LCOR: variants seen among roughly 807,000 people sequenced by gnomAD.
The protein encoded by LCOR is ligand-dependent corepressor.
Under a neutral mutation model 64.4 loss-of-function variants are expected in LCOR, and 14 were observed. The observed-to-expected ratio is 0.22, with a 90% CI of 0.14 to 0.34. The LOEUF is 0.34. Ranked by LOEUF, LCOR falls within the 10% of genes least tolerant of loss-of-function variation. The pLI is 1.00. For synonymous variants in LCOR, 643 were observed against 642.5 expected (o/e 1.00, Z -0.01); for missense variants, 1,686 against 1,765.3 (o/e 0.96, Z 0.80).
chr10:96,952,471 A>G (rs1287141017), intron 7 of LCOR, among the ~76,000 whole-genome samples: 1 of 152,180 alleles, frequency 6.6e-6, no homozygotes, highest in Admixed American at 6.5e-5. Flanking sequence ...GTGATACTCA[A>G]ATAATTCTAA....
At chr10:96,923,490 C>G (rs571725261) in intron 4 of LCOR, among the ~76,000 whole-genome samples, 5 of 152,298 alleles carry the variant, frequency 3.3e-5, no homozygotes, top group African/African-American at 1.2e-4. Context: ...TCCTCTGTTT[C>G]CTCTCTTGAG....
rs181955731 is a variant in LCOR at position 96,975,804 on chromosome 10, C to G, written c.333-4989C>G. On this transcript the variant is annotated intron_variant, in intron 7 of 7. Coordinates refer to ENST00000421806, the MANE Select transcript of LCOR (RefSeq NM_001346516.2). ...CTGAGGCAGGTGGATCACCTGAGGTCAGGAGTTCGAGACCAGCCTGACCAA... is the reference window on the plus strand; with the variant it reads ...CTGAGGCAGGTGGATCACCTGAGGTGAGGAGTTCGAGACCAGCCTGACCAA... Among the ~76,000 whole-genome samples, 756 of 152,146 alleles carry G rather than the reference C, an allele frequency of 5.0e-3. 12 individuals are homozygous for G. Among genetic ancestry groups the G allele is most frequent in the African/African-American group, 0.017 (721 of 41,510 alleles).
chr10:96,857,833 A>G (rs950888277), intron 2 of LCOR, among the ~76,000 whole-genome samples: 2 of 152,184 alleles, frequency 1.3e-5, no homozygotes, highest in Non-Finnish European at 2.9e-5. Context: ...CCAGCATGCA[A>G]GATTCTCCAA....
chr10:96,955,976 T>C (rs892574626), intron 7 of LCOR: 18 of 1,551,480 alleles, frequency 1.2e-5, no homozygotes, highest in Middle Eastern at 1.7e-4. Flanking sequence ...TACTGCATCA[T>C]TGTTCAGCTA....
At chr10:96,862,363 T>G (rs1299697471) in intron 2 of LCOR, among the ~76,000 whole-genome samples, 7 of 152,202 alleles carry the variant, frequency 4.6e-5, no homozygotes, top group Non-Finnish European at 1.0e-4. Context: ...AGCCTCGATC[T>G]GAAGCAGTCC....
rs1235853264 is a variant in LCOR at position 96,983,285 on chromosome 10, C to G, written c.2825C>G (p.Pro942Arg). 1 of 1,614,044 alleles carries G rather than the reference C, an allele frequency of 6.2e-7. No homozygotes were observed. The highest frequency in any genetic ancestry group is 1.3e-5 in the African/African-American group (1 of 74,906). The part of the protein sequence containing the change: ...DPITTAGQPL[P>R]GERLEIYVQS... The stretch of plus-strand genomic sequence containing the variant: ...ATAACCACAGCTGGACAGCCACTGC[C>G]TGGAGAGAGATTGGAAATCTATGTT... The change falls in exon 8 of 8, where the codon CCT becomes CGT. Residue 942 changes from proline to arginine, a missense_variant. By Grantham distance (103) the Pro-to-Arg change is moderately radical (BLOSUM62 -2). Coordinates refer to ENST00000421806, the MANE Select transcript of LCOR (RefSeq NM_001346516.2). The surrounding 1 kb of genome is among the most constrained non-coding windows in gnomAD (Gnocchi z 4.5).
At position 96,900,298 on chromosome 10, in the gene LCOR, CTT is replaced by C. The variant is rs569835795; in HGVS notation, c.-329-6966_-329-6965del. ...ACATTTTGTTTATCACAGATTACCT[CTT>C]AATATACAATAATTAAAATTTTAGT... On this transcript the variant is annotated intron_variant, in intron 2 of 7. Transcript: ENST00000421806. Among the ~76,000 whole-genome samples the C allele has an allele frequency of 5.2e-4, 79 of 152,130 alleles. No homozygotes were observed. The East Asian group carries it at 0.011, about 20-fold the overall frequency.
intron 2 of LCOR, among the ~76,000 whole-genome samples, chr10:96,874,061 A>T (rs1449610957): frequency 6.6e-6 from 1 of 152,208 alleles, no homozygotes; most frequent in Non-Finnish European, 1.5e-5. Flanking sequence ...ACTGAATGGA[A>T]ATTCTGTTTT....
intron 2 of LCOR, among the ~76,000 whole-genome samples, chr10:96,835,489 T>G (rs1415361681): frequency 6.6e-6 from 1 of 152,202 alleles, no homozygotes; most frequent in Non-Finnish European, 1.5e-5. Context: ...GTAATTTTGT[T>G]TTTTAAGAGG....
chr10:96,974,524 C>A (rs1213778963), intron 7 of LCOR, among the ~76,000 whole-genome samples: 1 of 152,202 alleles, frequency 6.6e-6, no homozygotes, highest in Non-Finnish European at 1.5e-5. Flanking sequence ...ATGTGAAGGA[C>A]ATCGTATGAT....
At chr10:96,892,183 A>G (rs1846457403) in intron 2 of LCOR, among the ~76,000 whole-genome samples, 1 of 152,068 alleles carries the variant, frequency 6.6e-6, no homozygotes, top group African/African-American at 2.4e-5. Context: ...CATTATTGAA[A>G]GTAGGGTGTT....
intron 2 of LCOR, among the ~76,000 whole-genome samples, chr10:96,893,762 CAAAA>C (rs376847220): frequency 2.1e-5 from 2 of 94,510 alleles, no homozygotes; most frequent in African/African-American, 3.5e-5. Context: ...GACTCTGTTT[CAAAA>C]AAAAAAAAAA....
rs182091341 is a variant in LCOR at position 96,875,355 on chromosome 10, A to G, written c.-329-31910A>G. 4.7e-4 allele frequency among the ~76,000 whole-genome samples: 72 copies of G among 152,114 alleles called. No individual in the cohort carries two copies. In the East Asian group the frequency reaches 0.013, roughly 28 times the overall value. ...GCCACTGTACTCCAGCCTGGGCGAC[A>G]GAGCGAGACTCTGTCTCAAATAAAA... On this transcript the variant is annotated intron_variant, in intron 2 of 7. Coordinates refer to ENST00000421806, the MANE Select transcript of LCOR (RefSeq NM_001346516.2).
intron 4 of LCOR, among the ~76,000 whole-genome samples, chr10:96,912,608 C>T (rs1049190848): frequency 1.3e-4 from 7 of 54,854 alleles, no homozygotes; most frequent in Non-Finnish European, 1.7e-4. Context: ...TTCTTCCTTT[C>T]TTCCTTCCTT....
chr10:96,957,253 T>C (rs1184872974), intron 7 of LCOR: 44 of 985,100 alleles, frequency 4.5e-5, no homozygotes, highest in Non-Finnish European at 5.2e-5. Context: ...TTCTTGACTT[T>C]TTCTGATAAT....
chr10:96,920,579 TATATATGTGTATATATGTATGTATATTC>T lies in LCOR; in HGVS notation c.-184+12856_-184+12883del, dbSNP rs1564626219. Among the ~76,000 whole-genome samples the T allele has an allele frequency of 2.5e-4, 36 of 142,962 alleles. 1 individual carries two copies. The highest frequency in any genetic ancestry group is 6.9e-4 in the African/African-American group (26 of 37,454). 93.8% of individuals were successfully genotyped at this position (142,962 alleles called of 152,430 possible). ...ATGTGTATATATGTATGTATATTCA[TATATATGTGTATATATGTATGTATATTC>T]ATATATGTGTATATATGTATGTACA... On this transcript the variant is annotated intron_variant, in intron 4 of 7. Coordinates refer to ENST00000421806, the MANE Select transcript of LCOR (RefSeq NM_001346516.2).
intron 4 of LCOR, among the ~76,000 whole-genome samples, chr10:96,932,935 T>TAG (rs1439335107): frequency 2.6e-5 from 4 of 152,222 alleles, no homozygotes; most frequent in Non-Finnish European, 4.4e-5. Flanking sequence ...TCTCTTATAG[T>TAG]AATCTATCCC....
intron 2 of LCOR, among the ~76,000 whole-genome samples, chr10:96,880,970 C>T (rs1016913708): frequency 6.6e-6 from 1 of 152,172 alleles, no homozygotes; most frequent in Non-Finnish European, 1.5e-5. Context: ...AAATTCATTA[C>T]ATACAATGGA....
chr10:96,935,186 TC>T (rs1847328729), intron 4 of LCOR, among the ~76,000 whole-genome samples: 1 of 134,402 alleles, frequency 7.4e-6, no homozygotes, highest in Non-Finnish European at 1.5e-5. Flanking sequence ...TGTCACTCTG[TC>T]ACCCAGTCTG....
Sources: gnomAD v4.1 joint callset for allele counts (sites outside exome capture counted in the v4.1 genomes callset) on GRCh38, gnomAD v4.1.1 for gene constraint, Gnocchi (gnomAD v3.1) non-coding constraint, MANE v1.5 for transcripts, NCBI Gene and HGNC (gene_info 2026-07-23, HGNC 2026-07-21) for gene names.